The following GOLM1 variants were observed in gnomAD, a reference collection of about 807,000 sequenced individuals.
GOLM1 encodes golgi membrane protein 1, also known as epididymis luminal protein 46.
A neutral mutation model predicts 50.5 loss-of-function variants in GOLM1; 31 were observed. That is an observed-to-expected ratio of 0.61 (90% CI 0.46 to 0.83). GOLM1 has a LOEUF of 0.83. Among genes scored for constraint, GOLM1 ranks in the 40% least tolerant of loss-of-function variants. The pLI, the probability that GOLM1 is intolerant of heterozygous loss-of-function variation, is 0.00. For missense variants in GOLM1, 491 were observed against 501.3 expected, an observed-to-expected ratio of 0.98 and a Z score of 0.20; for synonymous variants, 178 against 192.8, an observed-to-expected ratio of 0.92 and a Z score of 0.64.
chr9:86,039,129 G>A (rs1371666333), intron 6 of GOLM1, among the ~76,000 whole-genome samples: 1 of 152,114 alleles, frequency 6.6e-6, no homozygotes, highest in Non-Finnish European at 1.5e-5. Flanking sequence ...TAAAAAATGA[G>A]CAAAGGACCC....
intron 1 of GOLM1, among the ~76,000 whole-genome samples, chr9:86,091,615 G>A (rs1253846290): frequency 1.3e-5 from 2 of 152,164 alleles, no homozygotes; most frequent in Non-Finnish European, 2.9e-5. Flanking sequence ...CTGGAGTGCA[G>A]TGGTACAATC....
At position 86,053,789 on chromosome 9, in the gene GOLM1, C is replaced by T. The variant is rs112507524; in HGVS notation, c.310-1198G>A. On this transcript the variant is annotated intron_variant, in intron 3 of 9. Coordinates refer to ENST00000388712, the MANE Select transcript of GOLM1 (RefSeq NM_016548.4). ...ACACCAAACCATACACATCACATAC[C>T]GCTCCACACAACACCATACACCACA... 6.4e-3 allele frequency among the ~76,000 whole-genome samples: 806 copies of T among 126,408 alleles called. 9 individuals are homozygous for T. Among genetic ancestry groups the T allele is most frequent in the African/African-American group, 0.021 (732 of 34,838 alleles). 82.9% of individuals were successfully genotyped at this position (126,408 alleles called of 152,430 possible).
chr9:86,045,582 T>C (rs370598059), intron 5 of GOLM1, among the ~76,000 whole-genome samples: 3 of 145,298 alleles, frequency 2.1e-5, no homozygotes, highest in South Asian at 2.2e-4. Context: ...GGCTGAGGCA[T>C]GAGAACTGCT....
chr9:86,097,786 T>C (rs1272059079), intron 1 of GOLM1, among the ~76,000 whole-genome samples: 2 of 152,164 alleles, frequency 1.3e-5, no homozygotes, highest in Non-Finnish European at 2.9e-5. Context: ...AGCAGTTCCC[T>C]CCTTCCTGGG....
chr9:86,064,816 G>C (rs2118800749), intron 3 of GOLM1, among the ~76,000 whole-genome samples: 2 of 152,320 alleles, frequency 1.3e-5, no homozygotes, highest in Middle Eastern at 6.8e-3. Context: ...CCGCCTGCCT[G>C]GTGGGGGATG....
At chr9:86,095,346 A>G (rs1835325775) in intron 1 of GOLM1, among the ~76,000 whole-genome samples, 1 of 151,770 alleles carries the variant, frequency 6.6e-6, no homozygotes, top group African/African-American at 2.4e-5. Flanking sequence ...CGAATGTCTC[A>G]GCCTCCCAGG....
At chr9:86,037,454 A>AAAAAG (rs1833185000) in intron 6 of GOLM1, among the ~76,000 whole-genome samples, 1 of 150,472 alleles carries the variant, frequency 6.6e-6, no homozygotes, top group African/African-American at 2.5e-5. Context: ...AAAAAAAAAA[A>AAAAAG]AAAAGAAAAT....
intron 1 of GOLM1, among the ~76,000 whole-genome samples, chr9:86,087,715 T>C (rs1187289879): frequency 6.6e-6 from 1 of 152,226 alleles, no homozygotes; most frequent in Non-Finnish European, 1.5e-5. Context: ...GTTTTTGCCA[T>C]TGGTTCTGTT....
intron 1 of GOLM1, among the ~76,000 whole-genome samples, chr9:86,087,984 C>A (rs1050324154): frequency 6.6e-6 from 1 of 152,054 alleles, no homozygotes; most frequent in African/African-American, 2.4e-5. Context: ...CCCTCTTTTT[C>A]TATTGTTTGG....
intron 7 of GOLM1, 45 bp from the exon 8 acceptor site, chr9:86,035,670 TTAA>T: frequency 6.9e-6 from 9 of 1,296,976 alleles, no homozygotes; most frequent in Non-Finnish European, 9.2e-6. Flanking sequence ...AGCATTTGAT[TTAA>T]AAAAAAAAAA....
At chr9:86,048,793 T>A (rs543660173) in intron 4 of GOLM1, among the ~76,000 whole-genome samples, 1 of 152,188 alleles carries the variant, frequency 6.6e-6, no homozygotes, top group Non-Finnish European at 1.5e-5. Flanking sequence ...GTCAGATAGG[T>A]AGATTCAAAA....
intron 1 of GOLM1, among the ~76,000 whole-genome samples, chr9:86,093,505 G>A (rs1258997554): frequency 6.6e-6 from 1 of 151,628 alleles, no homozygotes; most frequent in Admixed American, 6.6e-5. Context: ...AGGAGATGGA[G>A]GTTGCAGTGA....
At chr9:86,054,512 C>T (rs1175817674) in intron 3 of GOLM1, among the ~76,000 whole-genome samples, 2 of 152,196 alleles carry the variant, frequency 1.3e-5, no homozygotes, top group Admixed American at 6.5e-5. Context: ...GCGTGAGCCA[C>T]TGCGCCCGGC....
chr9:86,026,290 A>ACT lies in GOLM1; in HGVS notation c.*1526_*1527insAG. ...AAGTGAGGCTGGAAGAGGACTTAGA[A>ACT]GAGTATGAAAGTACTCTAAGATTTT... On this transcript the variant is annotated 3_prime_UTR_variant, in exon 10 of 10. Transcript: ENST00000388712. 3 of 985,186 alleles carry ACT rather than the reference A, an allele frequency of 3.0e-6. No individual in the cohort carries two copies. Among genetic ancestry groups the ACT allele is most frequent in the Non-Finnish European group, 3.6e-6 (3 of 829,708 alleles). 61.0% of individuals were successfully genotyped at this position (985,186 alleles called of 1,614,324 possible).
chr9:86,069,266 T>C (rs903269192), intron 3 of GOLM1, among the ~76,000 whole-genome samples: 5 of 152,208 alleles, frequency 3.3e-5, no homozygotes, highest in African/African-American at 1.2e-4. Flanking sequence ...AAAAGCCAAC[T>C]TTTTTGGAAA....
intron 1 of GOLM1, among the ~76,000 whole-genome samples, chr9:86,083,276 G>C (rs1356539248): frequency 6.6e-6 from 1 of 152,146 alleles, no homozygotes; most frequent in South Asian, 2.1e-4. Flanking sequence ...ATAATACTTA[G>C]TACAATATAA....
At chr9:86,033,987 T>TG (rs1161490091) in intron 8 of GOLM1, among the ~76,000 whole-genome samples, 2 of 149,376 alleles carry the variant, frequency 1.3e-5, no homozygotes, top group Non-Finnish European at 3.0e-5. Flanking sequence ...TTTTTTGAGA[T>TG]GGAGTCTCAC....
rs574410149 is a variant in GOLM1 at position 86,027,657 on chromosome 9, C to T, written c.*160G>A. 6.4e-6 allele frequency: 9 copies of T among 1,398,404 alleles called. No homozygotes were observed. In the African/African-American group the frequency reaches 1.3e-4, roughly 21 times the overall value. The allele number at this position is 1,398,404 out of a possible 1,614,324, so 86.6% of individuals were successfully genotyped here. ...CCAAAAGCTGTTTAAAAGACCATTC[C>T]ATTTTTTCCTACACAAAGTGCATAC... On this transcript the variant is annotated 3_prime_UTR_variant, in exon 10 of 10. Coordinates refer to ENST00000388712, the MANE Select transcript of GOLM1 (RefSeq NM_016548.4).
intron 3 of GOLM1, among the ~76,000 whole-genome samples, chr9:86,065,679 A>T (rs1834288125): frequency 6.6e-6 from 1 of 152,012 alleles, no homozygotes; most frequent in Non-Finnish European, 1.5e-5. Flanking sequence ...TCTGGCTCTC[A>T]CTCTCTTCCC....
Sources: gnomAD v4.1 joint callset for allele counts (sites outside exome capture counted in the v4.1 genomes callset) on GRCh38, gnomAD v4.1.1 for gene constraint, MANE v1.5 for transcripts, NCBI Gene and HGNC (gene_info 2026-07-23, HGNC 2026-07-21) for gene names.